Variants in STX6 observed in about 807,000 individuals in gnomAD.
STX6 encodes syntaxin 6.
STX6 carries 23 observed loss-of-function variants against 38.0 expected under a neutral mutation model. The ratio of observed to expected loss-of-function variants is 0.60; its 90% CI spans 0.43 to 0.86. The LOEUF (loss-of-function observed/expected upper bound fraction) is 0.86. Ranked by LOEUF, STX6 falls within the 40% of genes least tolerant of loss-of-function variation. The probability of loss-of-function intolerance (pLI) is 0.00; values close to 1 mark genes in which losing one functional copy is unlikely to be tolerated. For missense variants in STX6, 274 were observed against 312.9 expected, an observed-to-expected ratio of 0.88 and a Z score of 0.94; for synonymous variants, 123 against 107.5, an observed-to-expected ratio of 1.14 and a Z score of -0.89.
rs1655193874 is a variant in STX6 at position 180,974,311 on chromosome 1, A to C, written c.*2259T>G. 6.6e-6 allele frequency: 1 copy of C among 152,180 alleles called. No homozygotes were observed. The highest frequency in any genetic ancestry group is 2.4e-5 in the African/African-American group (1 of 41,434). The allele number at this position is 152,180 out of a possible 1,614,324, so 9.4% of individuals were successfully genotyped here. The stretch of plus-strand genomic sequence containing the variant: ...ACTGTATTGTTAGTTAACTTTCTAA[A>C]TTGTTCTCTATTTAGCTTCAGCCTG... On this transcript the variant is annotated 3_prime_UTR_variant, in exon 8 of 8. Coordinates refer to ENST00000258301, the MANE Select transcript of STX6 (RefSeq NM_005819.6).
intron 6 of STX6, among the ~76,000 whole-genome samples, chr1:180,986,800 T>A (rs1173502727): frequency 6.6e-6 from 1 of 152,160 alleles, no homozygotes; most frequent in Non-Finnish European, 1.5e-5. Context: ...CAATGCACCA[T>A]CTTTAACTGG....
intron 1 of STX6, among the ~76,000 whole-genome samples, chr1:181,014,697 T>G (rs1656505650): frequency 6.6e-6 from 1 of 152,162 alleles, no homozygotes; most frequent in South Asian, 2.1e-4. Context: ...ACAAACCTGG[T>G]TTCACCACTC....
At chr1:181,005,247 A>G in intron 2 of STX6, 47 bp downstream of exon 2, 1 of 1,563,900 alleles carries the variant, frequency 6.4e-7, no homozygotes, top group Non-Finnish European at 8.7e-7. Context: ...AAACTTGTCC[A>G]TTTGTCTATT....
intron 3 of STX6, among the ~76,000 whole-genome samples, chr1:180,995,522 AC>A (rs1655884433): frequency 6.6e-6 from 1 of 152,222 alleles, no homozygotes; most frequent in Non-Finnish European, 1.5e-5. Flanking sequence ...ATTAAAAACT[AC>A]GCAGAGCAAC....
intron 3 of STX6, among the ~76,000 whole-genome samples, chr1:180,994,490 C>T (rs1326384091): frequency 1.3e-5 from 2 of 152,228 alleles, no homozygotes; most frequent in Non-Finnish European, 2.9e-5. Context: ...TGATGACATG[C>T]CTGAGTCAGT....
rs1397799405 is a variant in STX6 at position 180,974,631 on chromosome 1, T to C, written c.*1939A>G. 1 of 152,692 alleles carries C rather than the reference T, an allele frequency of 6.5e-6. No homozygotes were observed. Among genetic ancestry groups the C allele is most frequent in the African/African-American group, 2.4e-5 (1 of 41,468 alleles). The allele number at this position is 152,692 out of a possible 1,614,324, so 9.5% of individuals were successfully genotyped here. A position where few individuals can be genotyped will look rare whatever the true frequency, so the allele number is the denominator to read the frequency against. The stretch of plus-strand genomic sequence containing the variant: ...CTGGTTTGCTTCTTATAATGTGTTG[T>C]GTGGATTACAGTACTTAGACAAGGT... On this transcript the variant is annotated 3_prime_UTR_variant, in exon 8 of 8. Coordinates refer to ENST00000258301, the MANE Select transcript of STX6 (RefSeq NM_005819.6).
intron 1 of STX6, among the ~76,000 whole-genome samples, chr1:181,019,633 G>C (rs973649835): frequency 6.6e-6 from 1 of 152,170 alleles, no homozygotes; most frequent in African/African-American, 2.4e-5. Context: ...AGTGAGGTCA[G>C]GAAGTGTTGG....
rs925329358 is a variant in STX6, at chr1:180,992,811, T to A, written c.363+552A>T. 4.6e-5 allele frequency among the ~76,000 whole-genome samples: 7 copies of A among 152,272 alleles called. 1 individual carries two copies. In the South Asian group the frequency reaches 1.5e-3, roughly 32 times the overall value. ...AAAACTACTTAAAACAAAGAGAAAC[T>A]TAATTTAACACACAAGTTTAAGGTT... On this transcript the variant is annotated intron_variant, in intron 4 of 7. Transcript: ENST00000258301.
chr1:181,004,466 A>G (rs1656168813), intron 2 of STX6, among the ~76,000 whole-genome samples: 1 of 152,202 alleles, frequency 6.6e-6, no homozygotes, highest in South Asian at 2.1e-4. Context: ...CTGATCACCA[A>G]TGGCCAACTG....
In STX6 at chr1:180,976,618, G is replaced by C; in HGVS notation, c.720C>G (p.Ile240Met). Residue 240 changes from isoleucine (I) to methionine (M), a missense_variant, in exon 8 of 8, where the codon ATC (isoleucine) becomes ATG (methionine). By Grantham distance (10) the Ile-to-Met change is conservative (BLOSUM62 1). Transcript: ENST00000258301. ...SDRRQWCAIA[I>M]LFAVLLVVLI... is the part of the protein sequence containing the mutation. ...GCACAACCAACAGGACTGCAAAGAG[G>C]ATGGCTATGGCACACCATTGGCGCC... 1 of 1,613,678 alleles carries C rather than the reference G, an allele frequency of 6.2e-7. No individual in the cohort carries two copies. Among genetic ancestry groups the C allele is most frequent in the Non-Finnish European group, 8.5e-7 (1 of 1,180,016 alleles).
At chr1:181,009,974 A>G (rs1656345818) in intron 1 of STX6, among the ~76,000 whole-genome samples, 1 of 152,256 alleles carries the variant, frequency 6.6e-6, no homozygotes, top group Admixed American at 6.5e-5. Context: ...AGCTAGATTC[A>G]GAAGGCCACG....
chr1:180,997,185 G>A (rs1261899172), intron 3 of STX6, among the ~76,000 whole-genome samples: 1 of 152,140 alleles, frequency 6.6e-6, no homozygotes, highest in African/African-American at 2.4e-5. Context: ...ATTAATAGAG[G>A]TAACACATGA....
chr1:180,999,495 G>A (rs1399850782), intron 3 of STX6, among the ~76,000 whole-genome samples: 1 of 152,034 alleles, frequency 6.6e-6, no homozygotes, highest in East Asian at 1.9e-4. Flanking sequence ...GAGTATTTTG[G>A]TTCTTCACTA....
intron 1 of STX6, among the ~76,000 whole-genome samples, chr1:181,016,876 C>T (rs866146231): frequency 6.7e-6 from 1 of 150,076 alleles, no homozygotes; most frequent in East Asian, 2.0e-4. Flanking sequence ...CACCTGAGGT[C>T]AGGAGTTCAA....
rs894715529 is a variant in STX6 at position 181,022,740 on chromosome 1, C to G, written c.-67G>C. ...GGCGCCCGTGCCTCCCGGTCTCCCT[C>G]CGCCCACCCCGCCTGTTCCCGCAGC... On this transcript the variant is annotated 5_prime_UTR_variant, in exon 1 of 8. Coordinates refer to ENST00000258301, the MANE Select transcript of STX6 (RefSeq NM_005819.6). 1.1e-5 allele frequency: 17 copies of G among 1,479,756 alleles called. No homozygotes were observed. Among genetic ancestry groups the G allele is most frequent in the Non-Finnish European group, 1.3e-5 (14 of 1,085,782 alleles). 91.7% of individuals were successfully genotyped at this position (1,479,756 alleles called of 1,614,324 possible).
chr1:180,986,208 C>A (rs1348826951), intron 6 of STX6, among the ~76,000 whole-genome samples: 2 of 152,216 alleles, frequency 1.3e-5, no homozygotes, highest in Non-Finnish European at 2.9e-5. Flanking sequence ...TATCTCAGTA[C>A]CATCCAACAA....
chr1:180,998,521 T>C (rs994123527), intron 3 of STX6, among the ~76,000 whole-genome samples: 2 of 152,116 alleles, frequency 1.3e-5, no homozygotes, highest in African/African-American at 2.4e-5. Flanking sequence ...GCTGGGACTA[T>C]AGGCAGCTGC....
In STX6 at chr1:181,022,630, G is replaced by T; in HGVS notation, c.35+9C>A. The T allele has an allele frequency of 6.2e-7, 1 of 1,608,558 alleles. No individual in the cohort carries two copies. The highest frequency in any genetic ancestry group is 1.7e-5 in the Admixed American group (1 of 59,500). Reference sequence around the variant, plus strand: ...TCTTCCTCCGGTGGAGCGCTCGGCCGACACTCACCCTTTCACCACAAAGAA... The same window carrying T: ...TCTTCCTCCGGTGGAGCGCTCGGCCTACACTCACCCTTTCACCACAAAGAA... On this transcript the variant is annotated intron_variant, in intron 1 of 7. Transcript: ENST00000258301.
chr1:180,983,934 G>A (rs1402379023), intron 7 of STX6, among the ~76,000 whole-genome samples: 3 of 151,448 alleles, frequency 2.0e-5, no homozygotes, highest in East Asian at 1.9e-4. Context: ...CATGGTGGCG[G>A]GCGCCTGTAG....
Sources: allele counts gnomAD v4.1 joint callset (sites outside exome capture counted in the v4.1 genomes callset), GRCh38; gene constraint gnomAD v4.1.1; transcripts MANE v1.5; gene names NCBI Gene and HGNC (gene_info 2026-07-23, HGNC 2026-07-21).